Variants in NECAP1 observed in about 807,000 individuals in gnomAD.
NECAP1 encodes NECAP endocytosis associated 1.
A neutral mutation model predicts 33.4 loss-of-function variants in NECAP1; 13 were observed. The ratio of observed to expected loss-of-function variants is 0.39; its 90% CI spans 0.25 to 0.62. The LOEUF (loss-of-function observed/expected upper bound fraction) is 0.62, where lower values mean the gene tolerates loss of function less well. Among genes scored for constraint, NECAP1 ranks in the 20% least tolerant of loss-of-function variants. The probability of loss-of-function intolerance (pLI) is 0.52; values close to 1 mark genes in which losing one functional copy is unlikely to be tolerated. For synonymous variants in NECAP1, 109 were observed against 125.2 expected (o/e 0.87, Z 0.86); for missense variants, 272 against 347.4 (o/e 0.78, Z 1.73).
At chr12:8,089,680 C>G in intron 1 of NECAP1, 1 of 432,854 alleles carries the variant, frequency 2.3e-6, no homozygotes, top group Non-Finnish European at 4.1e-6. Flanking sequence ...TTTTTTATTG[C>G]TTTTATTCGT....
intron 3 of NECAP1, chr12:8,091,441 CG>C: frequency 9.7e-6 from 3 of 308,598 alleles, no homozygotes; most frequent in Non-Finnish European, 1.2e-5. Flanking sequence ...TGCAACTAGA[CG>C]GGGGTGATGG....
At chr12:8,085,157 C>G (rs893016916) in intron 1 of NECAP1, among the ~76,000 whole-genome samples, 94 of 152,080 alleles carry the variant, frequency 6.2e-4, no homozygotes, top group African/African-American at 2.0e-3. Flanking sequence ...GTAGCTGGGA[C>G]TACAGGCACG....
intron 2 of NECAP1, 31 bp downstream of exon 2, chr12:8,090,067 A>G: frequency 1.3e-6 from 2 of 1,593,606 alleles, no homozygotes; most frequent in Non-Finnish European, 1.7e-6. Context: ...TCTAACATTA[A>G]GAATATTAAT....
intron 1 of NECAP1, among the ~76,000 whole-genome samples, chr12:8,088,721 C>T (rs1002560357): frequency 7.2e-5 from 11 of 152,170 alleles, no homozygotes; most frequent in African/African-American, 2.4e-4. Flanking sequence ...TTACTATGAC[C>T]CACAAGGCCC....
chr12:8,095,544 G>A (rs771455030), intron 6 of NECAP1, 57 bp from the exon 7 acceptor site: 15 of 1,439,410 alleles, frequency 1.0e-5, no homozygotes, highest in East Asian at 9.5e-5. Flanking sequence ...CACCGCGCCC[G>A]GCCCTTCCAA....
In NECAP1 at chr12:8,097,339, G is replaced by C. The variant is rs1947603808; in HGVS notation, c.*1249G>C. Reference sequence around the variant, plus strand: ...ATTTTGTTTCTAAACGAGCAATTTTGAGGATGAAATGGGAAGATATCATTG... The same window carrying C: ...ATTTTGTTTCTAAACGAGCAATTTTCAGGATGAAATGGGAAGATATCATTG... On this transcript the variant is annotated 3_prime_UTR_variant, in exon 8 of 8. Coordinates refer to ENST00000339754, the MANE Select transcript of NECAP1 (RefSeq NM_015509.4). 1 of 152,650 alleles carries C rather than the reference G, an allele frequency of 6.6e-6. No individual in the cohort carries two copies. The highest frequency in any genetic ancestry group is 1.5e-5 in the Non-Finnish European group (1 of 68,040). The allele number at this position is 152,650 out of a possible 1,614,324, so 9.5% of individuals were successfully genotyped here.
At position 8,096,137 on chromosome 12, in the gene NECAP1, C is replaced by G; in HGVS notation, c.*47C>G. ...GGACAGACTTGAGGAATAAAAATGA[C>G]CTTGAGGGCACCAATCTGTGAGGGA... On this transcript the variant is annotated 3_prime_UTR_variant, in exon 8 of 8. Coordinates refer to ENST00000339754, the MANE Select transcript of NECAP1 (RefSeq NM_015509.4). 6.3e-7 allele frequency: 1 copy of G among 1,579,534 alleles called. No homozygotes were observed. Among genetic ancestry groups the G allele is most frequent in the Non-Finnish European group, 8.7e-7 (1 of 1,152,868 alleles).
intron 1 of NECAP1, among the ~76,000 whole-genome samples, chr12:8,087,223 C>T (rs1157085358): frequency 6.6e-6 from 1 of 151,400 alleles, no homozygotes; most frequent in Non-Finnish European, 1.5e-5. Context: ...ATAAGATGTA[C>T]ATTTGGAATC....
At chr12:8,087,253 T>C (rs1029834531) in intron 1 of NECAP1, among the ~76,000 whole-genome samples, 6 of 135,978 alleles carry the variant, frequency 4.4e-5, no homozygotes, top group Non-Finnish European at 1.7e-5. Context: ...ATCATCATAG[T>C]GGTTTTTTAT....
chr12:8,096,309 C>T lies in NECAP1; in HGVS notation c.*219C>T, dbSNP rs774669108. On this transcript the variant is annotated 3_prime_UTR_variant, in exon 8 of 8. Coordinates refer to ENST00000339754, the MANE Select transcript of NECAP1 (RefSeq NM_015509.4). ...GTATCTGTTATCTCCTGCGTAGTAC[C>T]AAGGTAGGGGACTAGTGGATCTTAT... 6.0e-6 allele frequency: 3 copies of T among 499,700 alleles called. No individual in the cohort carries two copies. The highest frequency in any genetic ancestry group is 6.7e-5 in the Admixed American group (2 of 29,892). 31.0% of individuals were successfully genotyped at this position (499,700 alleles called of 1,614,324 possible).
intron 1 of NECAP1, among the ~76,000 whole-genome samples, chr12:8,085,686 C>CTTCTTTTTTTTTTTTTTTTTTTTTTTTTT: frequency 9.5e-6 from 1 of 104,810 alleles, no homozygotes. Context: ...ACTTAATCTT[C>CTTCTTTTTTTTTTTTTTTTTTTTTTTTTT]TTTTTTTTTT....
chr12:8,093,134 A>G (rs1009038415), intron 6 of NECAP1, 79 bp downstream of exon 6: 1 of 1,432,726 alleles, frequency 7.0e-7, no homozygotes, highest in South Asian at 1.2e-5. Flanking sequence ...AGGAGAGTTA[A>G]TGTTTTTGCT....
chr12:8,091,818 C>T lies in NECAP1; in HGVS notation c.351C>T (p.Phe117=), dbSNP rs1316512759. ...GIGFTDRGDA[F]DFNVSLQDHF... is the part of the protein sequence containing the mutation. ...GCTTCACAGATCGGGGAGATGCCTT[C>T]GACTTTAATGTCTCCTTGCAGGATC... Residue 117 remains phenylalanine, a synonymous_variant, in exon 4 of 8, where the codon TTC becomes TTT. Transcript: ENST00000339754. The T allele has an allele frequency of 2.5e-6, 4 of 1,613,786 alleles. No homozygotes were observed. The highest frequency in any genetic ancestry group is 3.4e-6 in the Non-Finnish European group (4 of 1,179,982).
In NECAP1 at chr12:8,090,310, T is replaced by G; in HGVS notation, c.301+11T>G. The G allele has an allele frequency of 6.2e-7, 1 of 1,612,206 alleles. No homozygotes were observed. The highest frequency in any genetic ancestry group is 8.5e-7 in the Non-Finnish European group (1 of 1,178,296). ...TCCAGGATGGTACTGGTAAGAGAACTGGGATTTTGAGTGGAACGAAGTTAG... is the reference window on the plus strand; with the variant it reads ...TCCAGGATGGTACTGGTAAGAGAACGGGGATTTTGAGTGGAACGAAGTTAG... On this transcript the variant is annotated intron_variant, in intron 3 of 7. Coordinates refer to ENST00000339754, the MANE Select transcript of NECAP1 (RefSeq NM_015509.4).
intron 4 of NECAP1, 113 bp downstream of exon 4, chr12:8,091,963 C>A (rs1271346752): frequency 3.3e-6 from 3 of 904,056 alleles, no homozygotes; most frequent in African/African-American, 1.7e-5. Context: ...TAAACTATTT[C>A]ATTGTGAATA....
At chr12:8,090,500 T>G (rs1947533417) in intron 3 of NECAP1, 1 of 559,452 alleles carries the variant, frequency 1.8e-6, no homozygotes, top group Non-Finnish European at 3.2e-6. Context: ...GATGTGGTAA[T>G]TCATATGTAG....
At chr12:8,095,235 ATTTTT>A (rs35905417) in intron 6 of NECAP1, 5 of 112,376 alleles carry the variant, frequency 4.4e-5, no homozygotes, top group Non-Finnish European at 6.8e-5. Flanking sequence ...CATCTCCAAG[ATTTTT>A]TTTTTTTTTT....
chr12:8,090,526 A>T (rs1306934979), intron 3 of NECAP1: 3 of 500,176 alleles, frequency 6.0e-6, no homozygotes, highest in African/African-American at 5.8e-5. Context: ...AATAAATGAA[A>T]AACACATATC....
chr12:8,095,741 G>C (rs376557073), intron 7 of NECAP1, 38 bp downstream of exon 7: 1 of 1,536,914 alleles, frequency 6.5e-7, no homozygotes, highest in South Asian at 1.1e-5. Flanking sequence ...TCTCAATCAG[G>C]GTGTAGGAGA....
Sources: allele counts gnomAD v4.1 joint callset (sites outside exome capture counted in the v4.1 genomes callset), GRCh38; gene constraint gnomAD v4.1.1; transcripts MANE v1.5; gene names NCBI Gene and HGNC (gene_info 2026-07-23, HGNC 2026-07-21).